The following GNAL variants were observed in gnomAD, a reference collection of about 807,000 sequenced individuals.
The protein encoded by GNAL is G protein subunit alpha L.
In GNAL, 18 loss-of-function variants were observed where a neutral mutation model predicts 55.1. That is an observed-to-expected ratio of 0.33 (90% CI 0.23 to 0.48). The LOEUF is 0.48. GNAL is among the 20% of genes least tolerant of loss of function. GNAL has a pLI of 0.99. For synonymous variants in GNAL, 253 were observed against 237.0 expected (o/e 1.07, Z -0.62); for missense variants, 412 against 614.1 (o/e 0.67, Z 3.48).
intron 4 of GNAL, among the ~76,000 whole-genome samples, chr18:11,757,503 AG>A (rs1199803291): frequency 2.6e-5 from 4 of 152,134 alleles, no homozygotes; most frequent in Non-Finnish European, 5.9e-5. Context: ...TTGCAGTGGG[AG>A]GGGATCATGG....
At chr18:11,827,272 AAAG>A (rs2143663935) in intron 5 of GNAL, among the ~76,000 whole-genome samples, 1 of 152,286 alleles carries the variant, frequency 6.6e-6, no homozygotes, top group Admixed American at 6.5e-5. Flanking sequence ...ATTATACACT[AAAG>A]AAAGTATTTA....
intron 4 of GNAL, among the ~76,000 whole-genome samples, chr18:11,757,409 C>T (rs2033094218): frequency 6.6e-6 from 1 of 151,972 alleles, no homozygotes; most frequent in South Asian, 2.1e-4. Flanking sequence ...GGATGGAGAA[C>T]GGATTGTGGG....
chr18:11,761,659 C>T (rs1224327276), intron 4 of GNAL, among the ~76,000 whole-genome samples: 3 of 152,186 alleles, frequency 2.0e-5, no homozygotes, highest in African/African-American at 7.2e-5. Flanking sequence ...GCCTCTCTCC[C>T]TAGGCCTGCA....
intron 5 of GNAL, among the ~76,000 whole-genome samples, chr18:11,838,890 C>T (rs2035553347): frequency 6.6e-6 from 1 of 152,190 alleles, no homozygotes; most frequent in African/African-American, 2.4e-5. Context: ...TTCTAAAAGA[C>T]TATCTTTGTG....
At chr18:11,714,554 A>G (rs908203492) in intron 1 of GNAL, among the ~76,000 whole-genome samples, 1 of 152,218 alleles carries the variant, frequency 6.6e-6, no homozygotes, top group Non-Finnish European at 1.5e-5. Flanking sequence ...GGTCAAATAC[A>G]CATTTCTCTC....
At position 11,742,965 on chromosome 18, in the gene GNAL, T is replaced by A. The variant is rs9944945; in HGVS notation, c.377-9888T>A. 9.8e-3 allele frequency among the ~76,000 whole-genome samples: 1,488 copies of A among 152,338 alleles called. 22 individuals are homozygous for A. Among genetic ancestry groups the A allele is most frequent in the African/African-American group, 0.034 (1,423 of 41,568 alleles). On this transcript the variant is annotated intron_variant, in intron 1 of 11. Coordinates refer to ENST00000334049, the MANE Select transcript of GNAL (RefSeq NM_182978.4). ...CTTATCCTTTCTGGAATACATCTCT[T>A]TGGGTGACAGCCTGTAGGTAGCAAT...
chr18:11,862,100 T>C (rs2036158898), intron 5 of GNAL, among the ~76,000 whole-genome samples: 1 of 151,690 alleles, frequency 6.6e-6, no homozygotes, highest in African/African-American at 2.4e-5. Context: ...GGCTCCATGC[T>C]CTCTCCCAGT....
rs2031160045 is a variant in GNAL, at chr18:11,689,344, A to C, written c.-220A>C. On this transcript the variant is annotated 5_prime_UTR_variant, in exon 1 of 12. Transcript: ENST00000334049. Reference sequence around the variant, plus strand: ...ACCCCTTGCACACAGCAGAAAATGCAAAATGACCCTCTGGGGCAGTGAGGG... The same window carrying C: ...ACCCCTTGCACACAGCAGAAAATGCCAAATGACCCTCTGGGGCAGTGAGGG... 5.9e-6 allele frequency: 2 copies of C among 339,562 alleles called. No homozygotes were observed. The highest frequency in any genetic ancestry group is 4.3e-5 in the African/African-American group (2 of 46,448). 21.0% of individuals were successfully genotyped at this position (339,562 alleles called of 1,614,324 possible).
At chr18:11,873,440 C>T (rs1028700197) in intron 10 of GNAL, among the ~76,000 whole-genome samples, 1 of 152,204 alleles carries the variant, frequency 6.6e-6, no homozygotes, top group Non-Finnish European at 1.5e-5. Context: ...AAAATTCCTA[C>T]TGCTACATAT....
At chr18:11,754,950 CAGAA>C (rs2032991490) in intron 4 of GNAL, among the ~76,000 whole-genome samples, 1 of 152,044 alleles carries the variant, frequency 6.6e-6, no homozygotes, top group Non-Finnish European at 1.5e-5. Flanking sequence ...TTAAGCTTCT[CAGAA>C]AGTCATTTTC....
At chr18:11,831,567 C>G (rs1385895535) in intron 5 of GNAL, among the ~76,000 whole-genome samples, 1 of 152,224 alleles carries the variant, frequency 6.6e-6, no homozygotes, top group African/African-American at 2.4e-5. Flanking sequence ...GGGGGGTTTT[C>G]TCCTGAGGAT....
intron 11 of GNAL, among the ~76,000 whole-genome samples, chr18:11,877,413 C>T (rs1337132183): frequency 6.6e-6 from 1 of 152,230 alleles, no homozygotes; most frequent in Non-Finnish European, 1.5e-5. Context: ...CGAGACCACA[C>T]CACTGCACTC....
At chr18:11,865,112 C>T (rs1441229325) in intron 7 of GNAL, among the ~76,000 whole-genome samples, 1 of 139,796 alleles carries the variant, frequency 7.2e-6, no homozygotes, top group Non-Finnish European at 1.5e-5. Flanking sequence ...TAGACTCTCT[C>T]GGCACAGCCC....
chr18:11,821,967 G>A (rs1347191551), intron 4 of GNAL, among the ~76,000 whole-genome samples: 2 of 152,270 alleles, frequency 1.3e-5, no homozygotes, highest in Admixed American at 1.3e-4. Flanking sequence ...CCGCCGCTCC[G>A]TAGGCCTCCG....
At chr18:11,705,750 C>CTTTTTTT (rs749198189) in intron 1 of GNAL, among the ~76,000 whole-genome samples, 20 of 118,364 alleles carry the variant, frequency 1.7e-4, no homozygotes, top group Non-Finnish European at 2.8e-4. Context: ...ATTTCTATGT[C>CTTTTTTT]TTTTTTTTTT....
chr18:11,748,673 C>G (rs1281489235), intron 1 of GNAL, among the ~76,000 whole-genome samples: 3 of 152,060 alleles, frequency 2.0e-5, no homozygotes, highest in African/African-American at 7.2e-5. Flanking sequence ...AATGTGACTT[C>G]TAGGTTCTAA....
rs146173754 is a variant in GNAL at position 11,747,849 on chromosome 18, C to T, written c.377-5004C>T. Among the ~76,000 whole-genome samples the T allele has an allele frequency of 9.2e-3, 1,408 of 152,300 alleles. 19 individuals carry two copies. The highest frequency in any genetic ancestry group is 0.032 in the African/African-American group (1,337 of 41,550). ...CAGGACCTTCTCTTCCTGGCTCTGGCGCAGTCAGCCTGGACCCTCTGCCGG... is the reference window on the plus strand; with the variant it reads ...CAGGACCTTCTCTTCCTGGCTCTGGTGCAGTCAGCCTGGACCCTCTGCCGG... On this transcript the variant is annotated intron_variant, in intron 1 of 11. Transcript: ENST00000334049.
Position 11,825,458 on chromosome 18 carries a change from C to G in GNAL, c.722+443C>G, listed in dbSNP as rs772867546. 5.7e-4 allele frequency among the ~76,000 whole-genome samples: 86 copies of G among 152,094 alleles called. 1 individual carries two copies. The highest frequency in any genetic ancestry group is 6.6e-4 in the Non-Finnish European group (45 of 68,030). On this transcript the variant is annotated intron_variant, in intron 5 of 11. Transcript: ENST00000334049. ...TAGAAGTATACCAGAAGGCTGGGCC[C>G]GATGGCTCACACCTGTAATTCCAGC...
At chr18:11,721,974 C>G (rs537102015) in intron 1 of GNAL, among the ~76,000 whole-genome samples, 1 of 152,034 alleles carries the variant, frequency 6.6e-6, no homozygotes, top group East Asian at 1.9e-4. Context: ...TAAGACAGTT[C>G]ACAGAGGCTA....
Sources: allele counts gnomAD v4.1 joint callset (sites outside exome capture counted in the v4.1 genomes callset), GRCh38; gene constraint gnomAD v4.1.1; transcripts MANE v1.5; gene names NCBI Gene and HGNC (gene_info 2026-07-23, HGNC 2026-07-21).